Variants in RANBP2 observed in about 807,000 individuals in gnomAD.
The protein encoded by RANBP2 is RAN binding protein 2.
Under a neutral mutation model 303.6 loss-of-function variants are expected in RANBP2, and 57 were observed. The ratio of observed to expected loss-of-function variants is 0.19; its 90% confidence interval spans 0.15 to 0.23. The LOEUF (loss-of-function observed/expected upper bound fraction) is 0.23, where lower values mean the gene tolerates loss of function less well. RANBP2 is among the 10% of genes least tolerant of loss of function. The pLI is 1.00. For missense variants in RANBP2, 3,138 were observed against 3,780.8 expected (o/e 0.83, Z 4.46); for synonymous variants, 1,167 against 1,301.5 (o/e 0.90, Z 2.23).
At chr2:109,585,430 G>C in the RANBP2 span, 1 of 934,674 alleles carries the variant, frequency 1.1e-6, no homozygotes, top group Non-Finnish European at 1.6e-6. Flanking sequence ...AAAGGCCAGG[G>C]TGCGCATGAA....
the RANBP2 span, among the ~76,000 whole-genome samples, chr2:109,640,297 CAAG>C: frequency 2.0e-5 from 3 of 151,864 alleles, no homozygotes; most frequent in African/African-American, 7.3e-5. Context: ...ACTAAAAATA[CAAG>C]AAGTAGCCAG....
At chr2:109,163,508 C>T in the RANBP2 span, among the ~76,000 whole-genome samples, 1 of 142,066 alleles carries the variant, frequency 7.0e-6, no homozygotes, top group Non-Finnish European at 1.5e-5. Context: ...ACGCCATTCT[C>T]CTGCCTCAGC....
the RANBP2 span, among the ~76,000 whole-genome samples, chr2:109,390,217 GC>G: frequency 6.6e-6 from 1 of 152,176 alleles, no homozygotes; most frequent in Non-Finnish European, 1.5e-5. Context: ...AATAAGTGAT[GC>G]CCTTCACACA....
chr2:109,083,122 G>A, the RANBP2 span, among the ~76,000 whole-genome samples: 2 of 151,872 alleles, frequency 1.3e-5, no homozygotes, highest in Admixed American at 1.3e-4. Context: ...CACCATGCCC[G>A]GCCAAGACCC....
At chr2:108,975,419 C>T in the RANBP2 span, among the ~76,000 whole-genome samples, 5 of 152,144 alleles carry the variant, frequency 3.3e-5, no homozygotes, top group African/African-American at 9.7e-5. Context: ...GAGCATGGGC[C>T]GGCGAGACAT....
chr2:109,129,701 T>A, the RANBP2 span: 3 of 1,534,578 alleles, frequency 2.0e-6, no homozygotes, highest in Non-Finnish European at 2.6e-6. Context: ...CTGCTGGACC[T>A]GCTGGAGTGC....
At chr2:109,300,256 G>A in the RANBP2 span, among the ~76,000 whole-genome samples, 1 of 152,148 alleles carries the variant, frequency 6.6e-6, no homozygotes, top group African/African-American at 2.4e-5. Context: ...CTGGAGTGCA[G>A]TGAACCTCCA....
At chr2:108,964,917 T>C in the RANBP2 span, among the ~76,000 whole-genome samples, 1 of 152,126 alleles carries the variant, frequency 6.6e-6, no homozygotes, top group African/African-American at 2.4e-5. Flanking sequence ...TAAGGAACAG[T>C]TCATTCATTC....
chr2:109,011,997 T>C, the RANBP2 span, among the ~76,000 whole-genome samples: 1 of 152,220 alleles, frequency 6.6e-6, no homozygotes, highest in African/African-American at 2.4e-5. Flanking sequence ...GCCAGTGTGA[T>C]TGCAAGTCAC....
chr2:108,720,193 C>G (rs1694120678), intron 1 of RANBP2: 1 of 979,370 alleles, frequency 1.0e-6, no homozygotes, highest in Non-Finnish European at 1.2e-6. Context: ...TCAGCGCGGA[C>G]ATTTGCAATG....
At chr2:109,356,646 C>T in the RANBP2 span, among the ~76,000 whole-genome samples, 2 of 152,226 alleles carry the variant, frequency 1.3e-5, no homozygotes, top group South Asian at 4.1e-4. Context: ...ATATTGGTGA[C>T]GTGATGAGGA....
At chr2:109,551,374 T>G in the RANBP2 span, among the ~76,000 whole-genome samples, 1 of 152,232 alleles carries the variant, frequency 6.6e-6, no homozygotes, top group African/African-American at 2.4e-5. Flanking sequence ...TTGGTAAAAC[T>G]AAGATTCATG....
At chr2:109,361,117 T>C in the RANBP2 span, among the ~76,000 whole-genome samples, 1 of 152,366 alleles carries the variant, frequency 6.6e-6, no homozygotes, top group Non-Finnish European at 1.5e-5. Context: ...GTGGATATGA[T>C]AGGTTACATT....
At chr2:109,103,649 T>C in the RANBP2 span, among the ~76,000 whole-genome samples, 1 of 152,202 alleles carries the variant, frequency 6.6e-6, no homozygotes, top group Non-Finnish European at 1.5e-5. Context: ...AATCTCTAGG[T>C]GAACTCCGTT....
At chr2:109,445,452 C>G in the RANBP2 span, among the ~76,000 whole-genome samples, 3 of 152,112 alleles carry the variant, frequency 2.0e-5, no homozygotes, top group Admixed American at 2.0e-4. Context: ...ATACAGATTA[C>G]TTACATAGAA....
the RANBP2 span, among the ~76,000 whole-genome samples, chr2:109,270,745 T>C: frequency 6.6e-6 from 1 of 152,166 alleles, no homozygotes; most frequent in East Asian, 1.9e-4. Context: ...TCCTCTTATG[T>C]AGATTGACCT....
At chr2:108,788,610 C>T (rs1232728126), downstream of RANBP2, among the ~76,000 whole-genome samples, 1 of 151,746 alleles carries the variant, frequency 6.6e-6, no homozygotes, top group Non-Finnish European at 1.5e-5. Context: ...GTCCCGGCTA[C>T]TCAGGAGGCT....
the RANBP2 span, chr2:109,553,230 AT>A: frequency 6.2e-7 from 1 of 1,613,042 alleles, no homozygotes; most frequent in South Asian, 1.1e-5. Flanking sequence ...CTAAAAAGTT[AT>A]TTGTGTTACT....
the RANBP2 span, among the ~76,000 whole-genome samples, chr2:109,458,239 G>A: frequency 6.6e-6 from 1 of 152,080 alleles, no homozygotes; most frequent in South Asian, 2.1e-4. Flanking sequence ...TTTGTATATA[G>A]CATGAGAATG....
Sources: allele counts gnomAD v4.1 joint callset (sites outside exome capture counted in the v4.1 genomes callset), GRCh38; gene constraint gnomAD v4.1.1; transcripts MANE v1.5; gene names NCBI Gene and HGNC (gene_info 2026-07-23, HGNC 2026-07-21).